Variants in AKAP13 observed in about 807,000 individuals in gnomAD.
AKAP13 encodes the protein A-kinase anchoring protein 13, also known as A-kinase anchor protein 13.
In AKAP13, 80 loss-of-function variants were observed where a neutral mutation model predicts 264.5. The observed-to-expected ratio is 0.30, with a 90% confidence interval of 0.25 to 0.36. AKAP13 has a LOEUF of 0.36. AKAP13 is among the 10% of genes least tolerant of loss of function. AKAP13 has a pLI of 1.00. For synonymous variants in AKAP13, 1,380 were observed against 1,250.2 expected (o/e 1.10, Z -2.19); for missense variants, 3,712 against 3,435.2 (o/e 1.08, Z -2.01).
chr15:85,587,756 C>G (rs377386004), intron 8 of AKAP13, among the ~76,000 whole-genome samples: 1 of 152,170 alleles, frequency 6.6e-6, no homozygotes, highest in East Asian at 1.9e-4. Flanking sequence ...AAGCGATTCT[C>G]TTGTCTCAGC....
chr15:85,571,461 G>A (rs1234606043), intron 5 of AKAP13, among the ~76,000 whole-genome samples: 1 of 152,176 alleles, frequency 6.6e-6, no homozygotes, highest in African/African-American at 2.4e-5. Flanking sequence ...AAAAGTTGCA[G>A]TAAACATTCT....
At chr15:85,658,784 T>G (rs1400816264) in intron 12 of AKAP13, among the ~76,000 whole-genome samples, 194 bp downstream of exon 12, 1 of 152,198 alleles carries the variant, frequency 6.6e-6, no homozygotes, top group Non-Finnish European at 1.5e-5. Flanking sequence ...TAATTTGAAG[T>G]TTTATGCTAT....
chr15:85,465,647 C>G (rs2074708224), intron 1 of AKAP13, among the ~76,000 whole-genome samples: 1 of 151,542 alleles, frequency 6.6e-6, no homozygotes, highest in South Asian at 2.1e-4. Flanking sequence ...ATGATGATTT[C>G]CAATTTCATC....
intron 2 of AKAP13, among the ~76,000 whole-genome samples, chr15:85,487,817 G>T (rs1452531997): frequency 6.6e-6 from 1 of 151,696 alleles, no homozygotes; most frequent in Non-Finnish European, 1.5e-5. Context: ...CAGCATCGTG[G>T]AACTCCTGGG....
chr15:85,717,108 C>T (rs2086993931), intron 20 of AKAP13, 182 bp from the exon 21 acceptor site: 1 of 519,624 alleles, frequency 1.9e-6, no homozygotes, highest in African/African-American at 2.0e-5. Context: ...ATACTAAATG[C>T]TCCCGACTTT....
chr15:85,469,756 C>G (rs1465203811), intron 1 of AKAP13, among the ~76,000 whole-genome samples: 5 of 152,166 alleles, frequency 3.3e-5, no homozygotes, highest in Non-Finnish European at 5.9e-5. Context: ...TGGCAAAGAA[C>G]TAGATTAGTC....
At chr15:85,734,224 C>A (rs1245390264) in intron 30 of AKAP13, among the ~76,000 whole-genome samples, 1 of 152,196 alleles carries the variant, frequency 6.6e-6, no homozygotes, top group Non-Finnish European at 1.5e-5. Flanking sequence ...AAGTTAGACC[C>A]TGTGTTCTCC....
chr15:85,685,649 G>A (rs555404588), intron 16 of AKAP13, among the ~76,000 whole-genome samples: 18 of 152,198 alleles, frequency 1.2e-4, no homozygotes, highest in Admixed American at 5.9e-4. Flanking sequence ...TTGTGCCATC[G>A]TGCTGAGCTA....
At chr15:85,429,335 C>T (rs747275326) in intron 1 of AKAP13, among the ~76,000 whole-genome samples, 2 of 152,312 alleles carry the variant, frequency 1.3e-5, no homozygotes, top group South Asian at 2.1e-4. Context: ...AATGGTCCAT[C>T]TGGGAGCTGT....
chr15:85,428,007 A>G (rs746921664), intron 1 of AKAP13, among the ~76,000 whole-genome samples: 22 of 152,182 alleles, frequency 1.4e-4, no homozygotes, highest in South Asian at 8.3e-4. Flanking sequence ...ACTCCTGAGA[A>G]CTATTTGAAA....
intron 1 of AKAP13, among the ~76,000 whole-genome samples, chr15:85,449,402 A>G (rs1388803621): frequency 6.6e-6 from 1 of 152,116 alleles, no homozygotes; most frequent in African/African-American, 2.4e-5. Context: ...CTTTCTTCCT[A>G]CTTGGGTGCC....
At chr15:85,471,435 C>T (rs2074956929) in intron 1 of AKAP13, among the ~76,000 whole-genome samples, 1 of 152,192 alleles carries the variant, frequency 6.6e-6, no homozygotes, top group Non-Finnish European at 1.5e-5. Flanking sequence ...GCGGAGCTTG[C>T]AGTGAGCTGA....
At chr15:85,391,157 A>G (rs2070835883) in intron 1 of AKAP13, among the ~76,000 whole-genome samples, 2 of 152,244 alleles carry the variant, frequency 1.3e-5, no homozygotes, top group East Asian at 1.9e-4. Context: ...AAGGCTAGAT[A>G]TGAATGAAGG....
intron 8 of AKAP13, among the ~76,000 whole-genome samples, chr15:85,627,242 ATTG>A (rs1296948084): frequency 6.6e-6 from 1 of 152,074 alleles, no homozygotes; most frequent in East Asian, 1.9e-4. Context: ...TGCAGGACAT[ATTG>A]TTATTTCAAA....
At chr15:85,496,962 G>A (rs972872447) in intron 2 of AKAP13, among the ~76,000 whole-genome samples, 3 of 152,020 alleles carry the variant, frequency 2.0e-5, no homozygotes, top group Admixed American at 6.6e-5. Context: ...TGAAGTTAAT[G>A]GGCTTTTCAT....
chr15:85,574,304 G>A (rs920232843), intron 5 of AKAP13, among the ~76,000 whole-genome samples: 1 of 152,198 alleles, frequency 6.6e-6, no homozygotes, highest in South Asian at 2.1e-4. Context: ...CTGCAAAAAA[G>A]CACAGTGCAG....
chr15:85,617,543 A>G (rs937702994), intron 8 of AKAP13, among the ~76,000 whole-genome samples: 6 of 152,152 alleles, frequency 3.9e-5, no homozygotes, highest in African/African-American at 1.4e-4. Context: ...CCCAGCCGGT[A>G]GGAGGGTTTT....
At chr15:85,511,593 C>T (rs1321254274) in intron 2 of AKAP13, among the ~76,000 whole-genome samples, 1 of 152,084 alleles carries the variant, frequency 6.6e-6, no homozygotes, top group Non-Finnish European at 1.5e-5. Flanking sequence ...TACTATCTTC[C>T]AGTCCCATCC....
chr15:85,675,171 G>A (rs1171091464), intron 14 of AKAP13, among the ~76,000 whole-genome samples: 2 of 152,164 alleles, frequency 1.3e-5, no homozygotes, highest in Non-Finnish European at 1.5e-5. Context: ...TGTGACACAT[G>A]AAGGAGATGT....
Sources: gnomAD v4.1 joint callset for allele counts (sites outside exome capture counted in the v4.1 genomes callset) on GRCh38, gnomAD v4.1.1 for gene constraint, MANE v1.5 for transcripts, NCBI Gene and HGNC (gene_info 2026-07-23, HGNC 2026-07-21) for gene names.